ALG13: variants seen among roughly 807,000 people sequenced by gnomAD.
ALG13 encodes the protein ALG13 UDP-N-acetylglucosaminyltransferase subunit.
A neutral mutation model predicts 87.8 loss-of-function variants in ALG13; 11 were observed. The ratio of observed to expected loss-of-function variants is 0.13; its 90% CI spans 0.08 to 0.21. The LOEUF (loss-of-function observed/expected upper bound fraction) is 0.21. ALG13 is among the 10% of genes least tolerant of loss of function. The pLI, the probability that ALG13 is intolerant of heterozygous loss-of-function variation, is 1.00. For synonymous variants in ALG13, 320 were observed against 306.3 expected, an observed-to-expected ratio of 1.04 and a Z score of -0.47; for missense variants, 756 against 866.1, an observed-to-expected ratio of 0.87 and a Z score of 1.60.
intron 3 of ALG13, 65 bp from the exon 4 acceptor site, chrX:111,707,962 A>G: frequency 9.1e-7 from 1 of 1,099,240 alleles, no homozygotes; most frequent in African/African-American, 1.8e-5. Flanking sequence ...CCTCCCTCCC[A>G]TGTCTCCTGC....
intron 22 of ALG13, 39 bp from the exon 23 acceptor site, chrX:111,736,675 C>T (rs759169118): frequency 3.1e-5 from 36 of 1,175,974 alleles, no homozygotes; most frequent in Non-Finnish European, 4.0e-5. Flanking sequence ...GTTTGAAAAA[C>T]CAAACTTAAG....
In ALG13 at chrX:111,759,944, T is replaced by C. The variant is rs1945606811; in HGVS notation, c.3359T>C (p.Ile1120Thr). 8.3e-7 allele frequency: 1 copy of C among 1,211,006 alleles called. No individual in the cohort carries two copies. Among genetic ancestry groups the C allele is most frequent in the African/African-American group, 1.7e-5 (1 of 57,756 alleles). Residue 1120 changes from isoleucine (I) to threonine (T), a missense_variant, in exon 27 of 27, where the codon ATT becomes ACT. Transcript: ENST00000394780. Reference protein sequence around the residue: ...QIHGAINPGPIGCIAPSPPAS... With the variant: ...QIHGAINPGPTGCIAPSPPAS... ...CATGGTGCTATAAATCCTGGGCCAATTGGCTGTATTGCTCCATCTCCCCCA... is the reference window on the plus strand; with the variant it reads ...CATGGTGCTATAAATCCTGGGCCAACTGGCTGTATTGCTCCATCTCCCCCA...
At chrX:111,702,976 A>G (rs1383419352) in intron 3 of ALG13, among the ~76,000 whole-genome samples, 1 of 110,988 alleles carries the variant, frequency 9.0e-6, no homozygotes, top group East Asian at 2.8e-4. Context: ...TTTGAGAAGT[A>G]TATTGTGTTC....
At chrX:111,743,547 T>C (rs1390997298) in intron 23 of ALG13, among the ~76,000 whole-genome samples, 1 of 111,924 alleles carries the variant, frequency 8.9e-6, no homozygotes, top group Admixed American at 9.5e-5. Context: ...AAACAGTTGT[T>C]TATCAAGTTT....
At position 111,753,032 on chromosome X, in the gene ALG13, G is replaced by A. The variant is rs187250226; in HGVS notation, c.2973+202G>A. 3.2e-4 allele frequency: 115 copies of A among 354,747 alleles called. 1 individual carries two copies. Among genetic ancestry groups the A allele is most frequent in the African/African-American group, 2.2e-3 (82 of 37,351 alleles). 29.2% of individuals were successfully genotyped at this position (354,747 alleles called of 1,213,427 possible). On this transcript the variant is annotated intron_variant, in intron 25 of 26. Transcript: ENST00000394780. The stretch of plus-strand genomic sequence containing the variant: ...CTTTAGTTTCTCTTATAAAATAGTC[G>A]TTAAACTGAAGAGAGGGGTACTGGG...
At chrX:111,754,462 C>T (rs1469609862) in intron 25 of ALG13, among the ~76,000 whole-genome samples, 4 of 111,527 alleles carry the variant, frequency 3.6e-5, no homozygotes, top group Admixed American at 9.5e-5. Flanking sequence ...AAAGGGTATA[C>T]GAATAGGAAG....
chrX:111,687,104 C>G (rs1935157023), intron 3 of ALG13, among the ~76,000 whole-genome samples: 1 of 111,297 alleles, frequency 9.0e-6, no homozygotes, highest in African/African-American at 3.3e-5. Context: ...ACCACCATGC[C>G]TGGCCTAATT....
chrX:111,684,832 A>G (rs1934520802), intron 2 of ALG13, 133 bp from the exon 3 acceptor site: 20 of 556,341 alleles, frequency 3.6e-5, no homozygotes, highest in South Asian at 2.6e-4. Context: ...GTCATTTTGA[A>G]TGTATAATTG....
chrX:111,709,506 T>C (rs1390380878), intron 5 of ALG13, among the ~76,000 whole-genome samples: 1 of 111,943 alleles, frequency 8.9e-6, no homozygotes, highest in Non-Finnish European at 1.9e-5. Context: ...TGAGGAATCT[T>C]GTAAAACTTA....
chrX:111,751,589 G>C (rs1944750934), intron 24 of ALG13, among the ~76,000 whole-genome samples: 2 of 111,424 alleles, frequency 1.8e-5, no homozygotes, highest in Admixed American at 9.5e-5. Context: ...CAAGTTATTT[G>C]ATACATACAT....
At chrX:111,744,583 C>T in intron 23 of ALG13, 85 bp from the exon 24 acceptor site, 1 of 1,021,768 alleles carries the variant, frequency 9.8e-7, no homozygotes, top group Non-Finnish European at 1.3e-6. Context: ...TTTGACCATA[C>T]TGGAGACAAG....
intron 5 of ALG13, among the ~76,000 whole-genome samples, chrX:111,710,131 G>A (rs1939490188): frequency 9.1e-6 from 1 of 109,366 alleles, no homozygotes; most frequent in African/African-American, 3.3e-5. Context: ...CGAGGCTGAA[G>A]CAATCCTCCC....
At chrX:111,719,330 G>T (rs1425182923) in intron 10 of ALG13, among the ~76,000 whole-genome samples, 3 of 111,448 alleles carry the variant, frequency 2.7e-5, no homozygotes, top group Non-Finnish European at 5.7e-5. Context: ...CGGCAGAAGA[G>T]GGTTTTTAAA....
chrX:111,688,210 C>T (rs1205206820), intron 3 of ALG13: 6 of 790,876 alleles, frequency 7.6e-6, no homozygotes, highest in Non-Finnish European at 9.0e-6. Context: ...AGATTTTTTT[C>T]TAATCTTCAG....
intron 3 of ALG13, 145 bp downstream of exon 3, chrX:111,685,248 C>G: frequency 1.6e-6 from 1 of 642,660 alleles, no homozygotes; most frequent in Non-Finnish European, 2.4e-6. Flanking sequence ...CTGTAAAATC[C>G]TCCCATTTGT....
intron 23 of ALG13, among the ~76,000 whole-genome samples, chrX:111,744,143 G>A (rs1322140858): frequency 9.0e-6 from 1 of 111,445 alleles, no homozygotes; most frequent in Non-Finnish European, 1.9e-5. Context: ...TTTAGATTCT[G>A]TACCTCCTTA....
At position 111,727,151 on chromosome X, in the gene ALG13, C is replaced by G. The variant is rs1010511602; in HGVS notation, c.1976+96C>G. ...TAGAATGCCATCAAGATGAGGGTCT[C>G]TGTGACATACAGACTGTATTTCATT... is the stretch of plus-strand genomic sequence containing the variant. On this transcript the variant is annotated intron_variant, in intron 16 of 26. Coordinates refer to ENST00000394780, the MANE Select transcript of ALG13 (RefSeq NM_001099922.3). The G allele has an allele frequency of 3.9e-6, 4 of 1,032,237 alleles. No individual in the cohort carries two copies. In the African/African-American group the frequency reaches 5.5e-5, roughly 14 times the overall value. 85.1% of individuals were successfully genotyped at this position (1,032,237 alleles called of 1,213,427 possible).
chrX:111,715,965 A>G (rs1940533980), intron 8 of ALG13, among the ~76,000 whole-genome samples: 1 of 111,772 alleles, frequency 8.9e-6, no homozygotes, highest in African/African-American at 3.3e-5. Context: ...ACATACTTAC[A>G]TTAAAAAGAA....
intron 5 of ALG13, 138 bp downstream of exon 5, chrX:111,709,186 C>G: frequency 3.6e-6 from 1 of 279,080 alleles, no homozygotes; most frequent in Non-Finnish European, 6.4e-6. Flanking sequence ...TGGCTCCCTT[C>G]CCAGTAGCTA....
Sources: allele counts gnomAD v4.1 joint callset (sites outside exome capture counted in the v4.1 genomes callset), GRCh38; gene constraint gnomAD v4.1.1; transcripts MANE v1.5; gene names NCBI Gene and HGNC (gene_info 2026-07-23, HGNC 2026-07-21).